The following FHIT variants were observed in gnomAD, a reference collection of about 807,000 sequenced individuals.
FHIT encodes the protein fragile histidine triad diadenosine triphosphatase.
Under a neutral mutation model 17.9 loss-of-function variants are expected in FHIT, and 19 were observed. The ratio of observed to expected loss-of-function variants is 1.06; its 90% CI spans 0.74 to 1.56. FHIT has a LOEUF of 1.56. FHIT is among the 40% of genes most tolerant of loss of function. The probability of loss-of-function intolerance (pLI) is 0.00; values close to 1 mark genes in which losing one functional copy is unlikely to be tolerated. For missense variants in FHIT, 248 were observed against 189.2 expected (o/e 1.31, Z -1.82); for synonymous variants, 81 against 69.7 (o/e 1.16, Z -0.81).
intron 5 of FHIT, among the ~76,000 whole-genome samples, chr3:60,377,070 T>G (rs1700593003): frequency 6.6e-6 from 1 of 152,184 alleles, no homozygotes; most frequent in Admixed American, 6.5e-5. Flanking sequence ...CTAGGAAAGT[T>G]GAAAAAATAC....
chr3:60,284,607 T>C (rs1707629598), intron 5 of FHIT, among the ~76,000 whole-genome samples: 1 of 152,164 alleles, frequency 6.6e-6, no homozygotes, highest in Non-Finnish European at 1.5e-5. Context: ...TTTCTCACTT[T>C]CTTTGCTAAT....
At chr3:60,642,562 T>C (rs2039753752) in intron 4 of FHIT, among the ~76,000 whole-genome samples, 1 of 152,220 alleles carries the variant, frequency 6.6e-6, no homozygotes. Flanking sequence ...TCTTTTCTTC[T>C]ATATTAGAAA....
In FHIT at chr3:60,624,323, G is replaced by A. The variant is rs117239383; in HGVS notation, c.-17-87344C>T. Among the ~76,000 whole-genome samples, 26 of 152,286 alleles carry A rather than the reference G, an allele frequency of 1.7e-4. No individual in the cohort carries two copies. The East Asian group carries it at 5.0e-3, about 29-fold the overall frequency. On this transcript the variant is annotated intron_variant, in intron 4 of 9. Transcript: ENST00000492590. ...GCTTGGGCTTCAACTTGACAATGAT[G>A]AACACATATTTGGCAAGATTTGGCA...
chr3:60,130,924 CAT>C (rs201647997), intron 5 of FHIT, among the ~76,000 whole-genome samples: 2,764 of 133,860 alleles, frequency 0.021, 104 homozygotes, highest in African/African-American at 0.068. Flanking sequence ...TGTATACATA[CAT>C]ATATGTTTAT....
At chr3:60,302,349 G>A (rs1456022256) in intron 5 of FHIT, among the ~76,000 whole-genome samples, 1 of 151,976 alleles carries the variant, frequency 6.6e-6, no homozygotes, top group Non-Finnish European at 1.5e-5. Flanking sequence ...AATATTCACA[G>A]ATCTTTTACC....
At chr3:60,586,293 T>A (rs548322622) in intron 4 of FHIT, among the ~76,000 whole-genome samples, 1 of 152,032 alleles carries the variant, frequency 6.6e-6, no homozygotes, top group Non-Finnish European at 1.5e-5. Flanking sequence ...CCCAGTCTAT[T>A]TGATAGTTTC....
chr3:60,908,276 C>G (rs1419415142), intron 3 of FHIT, among the ~76,000 whole-genome samples: 1 of 152,078 alleles, frequency 6.6e-6, no homozygotes, highest in Non-Finnish European at 1.5e-5. Context: ...TGAGTATTAT[C>G]TTTAAAATAG....
At chr3:60,544,156 T>A (rs1372196528) in intron 4 of FHIT, among the ~76,000 whole-genome samples, 1 of 151,902 alleles carries the variant, frequency 6.6e-6, no homozygotes, top group Non-Finnish European at 1.5e-5. Flanking sequence ...TCATACTGCA[T>A]TGGTCAGCTA....
At chr3:60,273,674 G>C (rs1300767906) in intron 5 of FHIT, among the ~76,000 whole-genome samples, 1 of 152,104 alleles carries the variant, frequency 6.6e-6, no homozygotes, top group Non-Finnish European at 1.5e-5. Context: ...TGCTATTCTA[G>C]TCACTGTCAA....
intron 5 of FHIT, among the ~76,000 whole-genome samples, chr3:60,484,102 T>C (rs932661833): frequency 3.3e-5 from 5 of 151,980 alleles, no homozygotes; most frequent in Non-Finnish European, 5.9e-5. Flanking sequence ...AATAAATACC[T>C]AGGAAAACAG....
At chr3:60,378,938 T>C (rs1308426514) in intron 5 of FHIT, among the ~76,000 whole-genome samples, 1 of 152,216 alleles carries the variant, frequency 6.6e-6, no homozygotes, top group African/African-American at 2.4e-5. Flanking sequence ...ATATAGCCCG[T>C]TGCAAGCACT....
chr3:59,894,354 C>T (rs1431954896), intron 8 of FHIT, among the ~76,000 whole-genome samples: 1 of 152,152 alleles, frequency 6.6e-6, no homozygotes, highest in Non-Finnish European at 1.5e-5. Flanking sequence ...TTATTATGAA[C>T]ATTAAATAAA....
intron 4 of FHIT, among the ~76,000 whole-genome samples, chr3:60,784,339 C>CTTT (rs57018877): frequency 1.2e-3 from 167 of 141,082 alleles, no homozygotes; most frequent in African/African-American, 3.1e-3. Context: ...CTTCCAGGTT[C>CTTT]TTTTTTTTTT....
chr3:60,108,548 C>G (rs6764937), intron 5 of FHIT, among the ~76,000 whole-genome samples: 100,895 of 152,050 alleles, frequency 0.66, 34,078 homozygotes, highest in South Asian at 0.76. Flanking sequence ...CTACTGACCA[C>G]AGCCCTCCCT....
At chr3:60,961,606 T>C (rs1217779598) in intron 3 of FHIT, among the ~76,000 whole-genome samples, 1 of 152,234 alleles carries the variant, frequency 6.6e-6, no homozygotes, top group East Asian at 1.9e-4. Flanking sequence ...AATTTTTGTA[T>C]AGCGTGTAAG....
At chr3:60,165,148 C>G (rs555922549) in intron 5 of FHIT, among the ~76,000 whole-genome samples, 16 of 152,268 alleles carry the variant, frequency 1.1e-4, no homozygotes, top group African/African-American at 1.4e-4. Flanking sequence ...GAACAGCAGG[C>G]TGTGAGCTCA....
chr3:60,117,871 T>A (rs1437098592), intron 5 of FHIT, among the ~76,000 whole-genome samples: 1 of 152,092 alleles, frequency 6.6e-6, no homozygotes, highest in Non-Finnish European at 1.5e-5. Flanking sequence ...GACCACCAAC[T>A]GCAGGGTCAG....
intron 4 of FHIT, among the ~76,000 whole-genome samples, chr3:60,575,789 T>G (rs1452749989): frequency 6.6e-6 from 1 of 151,998 alleles, no homozygotes; most frequent in East Asian, 1.9e-4. Flanking sequence ...TGAAGAGTTG[T>G]GAATGAAAGT....
chr3:60,310,718 C>T (rs1241158865), intron 5 of FHIT, among the ~76,000 whole-genome samples: 2 of 152,024 alleles, frequency 1.3e-5, no homozygotes, highest in Non-Finnish European at 2.9e-5. Context: ...AGAAAGAAAA[C>T]AAAGGGCTCA....
Sources: allele counts gnomAD v4.1 joint callset (sites outside exome capture counted in the v4.1 genomes callset), GRCh38; gene constraint gnomAD v4.1.1; transcripts MANE v1.5; gene names NCBI Gene and HGNC (gene_info 2026-07-23, HGNC 2026-07-21).